The following GPC6 variants were observed in gnomAD, a reference collection of about 807,000 sequenced individuals.
GPC6 encodes the protein glypican-6.
A neutral mutation model predicts 55.2 loss-of-function variants in GPC6; 14 were observed. That is an observed-to-expected ratio of 0.25 (90% CI 0.17 to 0.40). GPC6 has a LOEUF of 0.40. GPC6 is among the 10% of genes least tolerant of loss of function. The pLI, the probability that GPC6 is intolerant of heterozygous loss-of-function variation, is 1.00. For synonymous variants in GPC6, 278 were observed against 259.6 expected, an observed-to-expected ratio of 1.07 and a Z score of -0.68; for missense variants, 641 against 708.5, an observed-to-expected ratio of 0.90 and a Z score of 1.08.
chr13:93,747,816 A>G (rs1167535522), intron 2 of GPC6, among the ~76,000 whole-genome samples: 3 of 152,108 alleles, frequency 2.0e-5, no homozygotes, highest in Admixed American at 6.6e-5. Flanking sequence ...TCAACCTACA[A>G]TGGGTTTACC....
chr13:94,338,494 A>ATAAT (rs1368936700), intron 6 of GPC6, among the ~76,000 whole-genome samples: 2 of 152,148 alleles, frequency 1.3e-5, no homozygotes, highest in Admixed American at 1.3e-4. Flanking sequence ...ACCAGATTCA[A>ATAAT]TAATTACACC....
chr13:93,627,370 A>G (rs2139566254), intron 2 of GPC6, among the ~76,000 whole-genome samples: 1 of 152,282 alleles, frequency 6.6e-6, no homozygotes, highest in South Asian at 2.1e-4. Context: ...TTCATGGTGT[A>G]TATGTGCCAC....
At chr13:93,427,087 T>C (rs1471130423) in intron 1 of GPC6, among the ~76,000 whole-genome samples, 1 of 149,730 alleles carries the variant, frequency 6.7e-6, no homozygotes, top group Non-Finnish European at 1.5e-5. Flanking sequence ...ATGGGGTTGT[T>C]TGTTTTTTTC....
intron 6 of GPC6, among the ~76,000 whole-genome samples, chr13:94,340,714 T>G (rs890995242): frequency 6.6e-6 from 1 of 152,240 alleles, no homozygotes; most frequent in Non-Finnish European, 1.5e-5. Context: ...AAGTTTCAAT[T>G]ACAAATATTA....
chr13:94,202,868 C>T (rs2031565), intron 4 of GPC6, among the ~76,000 whole-genome samples: 19,174 of 151,844 alleles, frequency 0.13, 1,291 homozygotes, highest in South Asian at 0.23. Flanking sequence ...GAGGCCCCTT[C>T]GAAGGCCCTA....
intron 2 of GPC6, among the ~76,000 whole-genome samples, chr13:93,746,688 T>TGGC (rs1884411195): frequency 6.6e-6 from 1 of 152,180 alleles, no homozygotes. Flanking sequence ...AAGGTGTCTA[T>TGGC]AGCATAGCAG....
chr13:93,662,813 G>A (rs1195618203), intron 2 of GPC6, among the ~76,000 whole-genome samples: 4 of 151,808 alleles, frequency 2.6e-5, no homozygotes, highest in Non-Finnish European at 2.9e-5. Context: ...TTCCTAATGG[G>A]ACACCAGGAT....
intron 6 of GPC6, among the ~76,000 whole-genome samples, chr13:94,324,554 C>T (rs1247169458): frequency 6.6e-6 from 1 of 152,082 alleles, no homozygotes; most frequent in Non-Finnish European, 1.5e-5. Context: ...AAGAATCTTG[C>T]AGCTATTTTT....
chr13:93,820,058 T>A (rs546380381), intron 2 of GPC6, among the ~76,000 whole-genome samples: 5 of 152,274 alleles, frequency 3.3e-5, no homozygotes, highest in East Asian at 1.9e-4. Context: ...TTCTGAAAAA[T>A]CCAGCATTTA....
intron 1 of GPC6, among the ~76,000 whole-genome samples, chr13:93,359,648 G>C (rs1436287288): frequency 6.6e-6 from 1 of 152,128 alleles, no homozygotes; most frequent in African/African-American, 2.4e-5. Context: ...ACATGGAAAA[G>C]TTTTCTGAGG....
At chr13:93,460,131 T>C (rs1878624381) in intron 1 of GPC6, among the ~76,000 whole-genome samples, 1 of 152,222 alleles carries the variant, frequency 6.6e-6, no homozygotes, top group Non-Finnish European at 1.5e-5. Flanking sequence ...AATTCTGTCT[T>C]TGCTTCTACT....
chr13:93,893,424 C>T (rs551372845), intron 3 of GPC6, among the ~76,000 whole-genome samples: 1 of 152,194 alleles, frequency 6.6e-6, no homozygotes, highest in Admixed American at 6.5e-5. Context: ...TTTAAAAAAT[C>T]ACCAGCGATG....
intron 2 of GPC6, among the ~76,000 whole-genome samples, chr13:93,673,233 T>C (rs1364342525): frequency 6.6e-6 from 1 of 152,174 alleles, no homozygotes; most frequent in African/African-American, 2.4e-5. Flanking sequence ...TCCTGCTCTC[T>C]ATGGCAAAAT....
intron 3 of GPC6, chr13:94,025,449 CAT>C (rs991892571): frequency 4.0e-5 from 6 of 148,806 alleles, no homozygotes; most frequent in African/African-American, 1.2e-4. Flanking sequence ...GCTTGGGACA[CAT>C]GTGATAAAGG....
intron 4 of GPC6, among the ~76,000 whole-genome samples, chr13:94,262,668 G>A (rs988702263): frequency 4.7e-5 from 6 of 129,004 alleles, no homozygotes; most frequent in African/African-American, 1.7e-4. Context: ...GTGAGACTCC[G>A]TCTCAGAAAA....
At chr13:94,180,529 G>A (rs995392454) in intron 4 of GPC6, among the ~76,000 whole-genome samples, 8 of 152,188 alleles carry the variant, frequency 5.3e-5, no homozygotes, top group Admixed American at 2.0e-4. Context: ...AGGCATCCTT[G>A]TTGCATTAAA....
chr13:94,123,687 A>G (rs909434230), intron 4 of GPC6, among the ~76,000 whole-genome samples: 1 of 152,016 alleles, frequency 6.6e-6, no homozygotes, highest in Non-Finnish European at 1.5e-5. Context: ...GTATGCATGC[A>G]CGCATATGTT....
At chr13:93,982,014 T>G (rs1880826626) in intron 3 of GPC6, among the ~76,000 whole-genome samples, 1 of 152,198 alleles carries the variant, frequency 6.6e-6, no homozygotes, top group Non-Finnish European at 1.5e-5. Context: ...GAACCCCTTC[T>G]TTATTTGCAG....
intron 1 of GPC6, among the ~76,000 whole-genome samples, chr13:93,261,664 G>A (rs1877152895): frequency 6.6e-6 from 1 of 152,156 alleles, no homozygotes; most frequent in South Asian, 2.1e-4. Flanking sequence ...AAGTGTGGTT[G>A]CTGTTTGAAG....
Sources: allele counts gnomAD v4.1 joint callset (sites outside exome capture counted in the v4.1 genomes callset), GRCh38; gene constraint gnomAD v4.1.1; transcripts MANE v1.5; gene names NCBI Gene and HGNC (gene_info 2026-07-23, HGNC 2026-07-21).